The following EYA4 variants were observed in gnomAD, a reference collection of about 807,000 sequenced individuals.
EYA4 encodes EYA transcriptional coactivator and phosphatase 4, also known as protein phosphatase EYA4.
In EYA4, 31 loss-of-function variants were observed where a neutral mutation model predicts 87.9. That is an observed-to-expected ratio of 0.35 (90% CI 0.27 to 0.48). The LOEUF (loss-of-function observed/expected upper bound fraction) is 0.48, where lower values mean the gene tolerates loss of function less well. Ranked by LOEUF, EYA4 falls within the 20% of genes least tolerant of loss-of-function variation. EYA4 has a pLI of 0.99. For missense variants in EYA4, 678 were observed against 761.4 expected, an observed-to-expected ratio of 0.89 and a Z score of 1.29; for synonymous variants, 263 against 270.6, an observed-to-expected ratio of 0.97 and a Z score of 0.28.
At position 133,410,629 on chromosome 6, in the gene EYA4, G is replaced by GTTTTTTTTTTTTTTTTTTTTTTTTT. The variant is rs1554252058; in HGVS notation, c.83+28189_83+28190insTTTTTTTTTTTTTTTTTTTTTTTTT. Among the ~76,000 whole-genome samples the GTTTTTTTTTTTTTTTTTTTTTTTTT allele has an allele frequency of 5.5e-4, 82 of 148,312 alleles. 1 individual carries two copies. The highest frequency in any genetic ancestry group is 1.0e-3 in the Non-Finnish European group (68 of 66,068). On this transcript the variant is annotated intron_variant, in intron 3 of 19. Coordinates refer to ENST00000355286, the MANE Select transcript of EYA4 (RefSeq NM_004100.5). ...TTCTGTATTTTTCCATAGAACTAAG[G>GTTTTTTTTTTTTTTTTTTTTTTTTT]TCTTAATTCCTTCTATCAATCATGT...
At chr6:133,318,342 G>C (rs1780781387) in intron 2 of EYA4, among the ~76,000 whole-genome samples, 1 of 151,156 alleles carries the variant, frequency 6.6e-6, no homozygotes, top group East Asian at 2.0e-4. Context: ...ATCTGAAAAG[G>C]CTTGGAGATT....
intron 2 of EYA4, among the ~76,000 whole-genome samples, chr6:133,315,934 G>A (rs546005724): frequency 6.6e-6 from 1 of 152,262 alleles, no homozygotes; most frequent in African/African-American, 2.4e-5. Context: ...GGAACAGAGT[G>A]TTTTTTGAAG....
In EYA4 at chr6:133,294,062, T is replaced by TATATATATATATAAAAAA. The variant is rs71003632; in HGVS notation, c.33+19250_33+19251insTATATATATATAAAAAAA. ...ATATATATATATATATATATATATA[T>TATATATATATATAAAAAA]AATTCTATTCTATATATAACATTCT... On this transcript the variant is annotated intron_variant, in intron 2 of 19. Transcript: ENST00000355286. Among the ~76,000 whole-genome samples, 7 of 105,160 alleles carry TATATATATATATAAAAAA rather than the reference T, an allele frequency of 6.7e-5. 1 individual carries two copies. Among genetic ancestry groups the TATATATATATATAAAAAA allele is most frequent in the Non-Finnish European group, 1.4e-4 (7 of 48,470 alleles). The allele number at this position is 105,160 out of a possible 152,430, so 69.0% of individuals were successfully genotyped here. A position where few individuals can be genotyped will look rare whatever the true frequency, so the allele number is the denominator to read the frequency against.
At chr6:133,468,854 G>T (rs1441154307) in intron 11 of EYA4, 123 bp downstream of exon 11, 9 of 975,236 alleles carry the variant, frequency 9.2e-6, no homozygotes, top group African/African-American at 1.6e-5. Context: ...TGTTTAATCT[G>T]TGTTAGCATG....
intron 1 of EYA4, among the ~76,000 whole-genome samples, chr6:133,272,167 G>A (rs1776747709): frequency 6.6e-6 from 1 of 152,174 alleles, no homozygotes. Flanking sequence ...CCCAGAAAGG[G>A]GCTGTAGTGC....
In EYA4 at chr6:133,283,225, C is replaced by T. The variant is rs144918287; in HGVS notation, c.33+8412C>T. 2.8e-4 allele frequency among the ~76,000 whole-genome samples: 43 copies of T among 151,884 alleles called. No homozygotes were observed. In the East Asian group the frequency reaches 7.4e-3, roughly 26 times the overall value. ...ATGAGAATTGCTTGAACCCGGGAAGCGGAGGTTGCAGTGAGCCGAGATTGT... is the reference window on the plus strand; with the variant it reads ...ATGAGAATTGCTTGAACCCGGGAAGTGGAGGTTGCAGTGAGCCGAGATTGT... On this transcript the variant is annotated intron_variant, in intron 2 of 19. Coordinates refer to ENST00000355286, the MANE Select transcript of EYA4 (RefSeq NM_004100.5).
At chr6:133,302,643 CACA>C (rs1779502951) in intron 2 of EYA4, among the ~76,000 whole-genome samples, 1 of 152,172 alleles carries the variant, frequency 6.6e-6, no homozygotes, top group Non-Finnish European at 1.5e-5. Flanking sequence ...CACATGCTTA[CACA>C]ACAACTTACT....
intron 3 of EYA4, among the ~76,000 whole-genome samples, chr6:133,428,467 A>T (rs992413761): frequency 2.0e-5 from 3 of 152,208 alleles, no homozygotes; most frequent in Non-Finnish European, 4.4e-5. Flanking sequence ...TTTCAACTAC[A>T]AGTAATAGAG....
intron 2 of EYA4, among the ~76,000 whole-genome samples, chr6:133,358,626 C>T (rs929715300): frequency 1.6e-4 from 24 of 152,078 alleles, no homozygotes; most frequent in East Asian, 1.5e-3. Flanking sequence ...GTAAAATGCA[C>T]GGGTATTATT....
At chr6:133,349,477 T>G (rs1783466696) in intron 2 of EYA4, among the ~76,000 whole-genome samples, 1 of 152,238 alleles carries the variant, frequency 6.6e-6, no homozygotes, top group African/African-American at 2.4e-5. Flanking sequence ...TGAATTCATG[T>G]ATGAATAAAT....
At chr6:133,331,027 G>GTT (rs71636692) in intron 2 of EYA4, among the ~76,000 whole-genome samples, 11,263 of 111,138 alleles carry the variant, frequency 0.1, 871 homozygotes, top group South Asian at 0.17. Context: ...AACCAAACGG[G>GTT]TTTTTTTTTT....
chr6:133,457,684 CAT>C (rs1280810527), intron 6 of EYA4, among the ~76,000 whole-genome samples: 2 of 152,162 alleles, frequency 1.3e-5, no homozygotes, highest in Admixed American at 1.3e-4. Context: ...CACAGAGACT[CAT>C]ATGTACTAAT....
chr6:133,468,703 A>G lies in EYA4; in HGVS notation c.942A>G (p.Glu314=). 2.5e-6 allele frequency: 4 copies of G among 1,613,118 alleles called. No individual in the cohort carries two copies. Among genetic ancestry groups the G allele is most frequent in the African/African-American group, 1.3e-5 (1 of 74,996 alleles). The change falls in exon 11 of 20, where the codon GAA becomes GAG. Residue 314 remains glutamate (E), a synonymous_variant. Coordinates refer to ENST00000355286, the MANE Select transcript of EYA4 (RefSeq NM_004100.5). ...CAACCTCTACTTATCAGTTGCAGGAATCTCTCCCAGGACTGACTAACCAAC... is the reference window on the plus strand; with the variant it reads ...CAACCTCTACTTATCAGTTGCAGGAGTCTCTCCCAGGACTGACTAACCAAC... The part of the protein sequence containing the change: ...PSSTSTYQLQ[E]SLPGLTNQPG...
At chr6:133,386,702 T>C (rs373795155) in intron 3 of EYA4, among the ~76,000 whole-genome samples, 1 of 152,220 alleles carries the variant, frequency 6.6e-6, no homozygotes, top group East Asian at 1.9e-4. Context: ...GGCTGTGAAG[T>C]GACTTATCAG....
chr6:133,506,236 A>C (rs751350465), intron 14 of EYA4, 41 bp downstream of exon 14: 16 of 1,054,674 alleles, frequency 1.5e-5, no homozygotes, highest in Non-Finnish European at 2.2e-5. Context: ...ATCCAACACC[A>C]GACCTCCTAG....
intron 13 of EYA4, among the ~76,000 whole-genome samples, chr6:133,492,329 C>T (rs1797241040): frequency 1.3e-5 from 2 of 152,174 alleles, no homozygotes; most frequent in South Asian, 4.1e-4. Context: ...CAACGTGATA[C>T]ATCATACCAA....
In EYA4 at chr6:133,525,159, G is replaced by C; in HGVS notation, c.1744G>C (p.Glu582Gln). 1 of 1,613,728 alleles carries C rather than the reference G, an allele frequency of 6.2e-7. No individual in the cohort carries two copies. Among genetic ancestry groups the C allele is most frequent in the Non-Finnish European group, 8.5e-7 (1 of 1,179,756 alleles). Residue 582 changes from glutamate (E) to glutamine (Q), a missense_variant, in exon 19 of 20, where the codon GAA (glutamate) becomes CAA (glutamine). Glu to Gln is a conservative substitution (Grantham distance 29). Coordinates refer to ENST00000355286, the MANE Select transcript of EYA4 (RefSeq NM_004100.5). The stretch of plus-strand genomic sequence containing the variant: ...TTATCTCATTTATCTTCCAGGAAAA[G>C]AAAGTTGCTTTGAACGAATAATGCA... ...NIYSATKIGK[E>Q]SCFERIMQRF...
At chr6:133,459,625 A>G (rs1562446217) in intron 6 of EYA4, among the ~76,000 whole-genome samples, 1 of 152,162 alleles carries the variant, frequency 6.6e-6, no homozygotes, top group Non-Finnish European at 1.5e-5. Context: ...AATTAGAATG[A>G]ATATCTTTGG....
intron 2 of EYA4, among the ~76,000 whole-genome samples, chr6:133,331,027 GTTTTTT>G (rs71636692): frequency 2.6e-5 from 3 of 113,704 alleles, no homozygotes; most frequent in Admixed American, 9.8e-5. Context: ...AACCAAACGG[GTTTTTT>G]TTTTTTTTTT....
Sources: allele counts gnomAD v4.1 joint callset (sites outside exome capture counted in the v4.1 genomes callset), GRCh38; gene constraint gnomAD v4.1.1; transcripts MANE v1.5; gene names NCBI Gene and HGNC (gene_info 2026-07-23, HGNC 2026-07-21).